The following UNK variants were observed in gnomAD, a reference collection of about 807,000 sequenced individuals.
The protein encoded by UNK is RING finger protein unkempt homolog.
UNK carries 32 observed loss-of-function variants against 97.6 expected under a neutral mutation model. The observed-to-expected ratio is 0.33, with a 90% confidence interval of 0.25 to 0.44. The LOEUF (loss-of-function observed/expected upper bound fraction) is 0.44, where lower values mean the gene tolerates loss of function less well. Ranked by LOEUF, UNK falls within the 20% of genes least tolerant of loss-of-function variation. The probability of loss-of-function intolerance (pLI) is 1.00; values close to 1 mark genes in which losing one functional copy is unlikely to be tolerated. For synonymous variants in UNK, 441 were observed against 461.2 expected, an observed-to-expected ratio of 0.96 and a Z score of 0.56; for missense variants, 771 against 1,098.4, an observed-to-expected ratio of 0.70 and a Z score of 4.21.
intron 4 of UNK, 143 bp downstream of exon 4, chr17:75,812,728 A>C: frequency 7.7e-7 from 1 of 1,298,218 alleles, no homozygotes. Context: ...ACCATTCAAA[A>C]GGCGCCTCTA....
At chr17:75,789,366 C>T (rs976624176) in intron 1 of UNK, among the ~76,000 whole-genome samples, 1 of 151,902 alleles carries the variant, frequency 6.6e-6, no homozygotes, top group Admixed American at 6.6e-5. Context: ...GACCGAGTCT[C>T]GCTCTGTTGC....
In UNK at chr17:75,817,493, G is replaced by T. The variant is rs1480334335; in HGVS notation, c.1272G>T (p.Val424=). Residue 424 remains valine (V), a synonymous_variant, in exon 9 of 16, where the codon GTG becomes GTT. Coordinates refer to ENST00000589666, the MANE Select transcript of UNK (RefSeq NM_001080419.3). The surrounding 1 kb of genome is among the most constrained non-coding windows in gnomAD (Gnocchi z 5.8). The part of the protein sequence containing the change: ...KAPGFEREDQ[V]GAEYLKNFKC... ...CCGGCTTCGAGAGGGAAGACCAGGT[G>T]GGAGCCGAGTACCTGAAAAATTTCA... 2 of 1,611,876 alleles carry T rather than the reference G, an allele frequency of 1.2e-6. No individual in the cohort carries two copies. Among genetic ancestry groups the T allele is most frequent in the Admixed American group, 3.3e-5 (2 of 59,886 alleles).
chr17:75,824,897 GC>G lies in UNK; in HGVS notation c.*483del, dbSNP rs1383982641. On this transcript the variant is annotated 3_prime_UTR_variant, in exon 16 of 16. Coordinates refer to ENST00000589666, the MANE Select transcript of UNK (RefSeq NM_001080419.3). The surrounding 1 kb of genome is among the most constrained non-coding windows in gnomAD (Gnocchi z 4.9). ...GGGAAGGGAGAAGCCCTCAGGGCAG[GC>G]CCTGCTCCCCCTACCTCCTTGCCAG... 6.6e-6 allele frequency: 1 copy of G among 152,242 alleles called. No individual in the cohort carries two copies. The highest frequency in any genetic ancestry group is 6.5e-5 in the Admixed American group (1 of 15,292). The allele number at this position is 152,242 out of a possible 1,614,324, so 9.4% of individuals were successfully genotyped here. A position where few individuals can be genotyped will look rare whatever the true frequency, so the allele number is the denominator to read the frequency against.
rs1227321368 is a variant in UNK, at chr17:75,822,616, C to T, written c.1977C>T (p.Ser659=). 2 of 1,612,612 alleles carry T rather than the reference C, an allele frequency of 1.2e-6. No homozygotes were observed. The highest frequency in any genetic ancestry group is 1.7e-6 in the Non-Finnish European group (2 of 1,179,564). The change falls in exon 14 of 16, where the codon AGC becomes AGT. Residue 659 remains serine, a synonymous_variant. Coordinates refer to ENST00000589666, the MANE Select transcript of UNK (RefSeq NM_001080419.3). ...GGCAAGAGCTGGATGAAGCCAACAG[C>T]ACCATCAAGCAGTGGGAGGAGTCCT... ...RLRQELDEAN[S]TIKQWEESWK...
At chr17:75,815,908 T>C (rs1159349799) in intron 7 of UNK, among the ~76,000 whole-genome samples, 1 of 140,650 alleles carries the variant, frequency 7.1e-6, no homozygotes, top group Non-Finnish European at 1.6e-5. Flanking sequence ...AAAAAAAAAT[T>C]AAAAAAGAAT....
At chr17:75,795,570 C>T (rs910546284) in intron 1 of UNK, among the ~76,000 whole-genome samples, 1 of 152,084 alleles carries the variant, frequency 6.6e-6, no homozygotes, top group African/African-American at 2.4e-5. Flanking sequence ...ATACTCCTGA[C>T]CTCGAGTGAT....
chr17:75,817,662 C>T lies in UNK; in HGVS notation c.1305+136C>T. On this transcript the variant is annotated intron_variant, in intron 9 of 15. Coordinates refer to ENST00000589666, the MANE Select transcript of UNK (RefSeq NM_001080419.3). This position sits in a 1 kb window ranked among gnomAD's most constrained non-coding sequence, Gnocchi z 5.8. ...TCCACTGTCCTCGGCCTCTTCAGGA[C>T]TGAACAGAGGGAGCAGTGTCAGCCC... The T allele has an allele frequency of 1.0e-6, 1 of 987,328 alleles. No individual in the cohort carries two copies. The highest frequency in any genetic ancestry group is 1.5e-6 in the Non-Finnish European group (1 of 682,850). The allele number at this position is 987,328 out of a possible 1,614,324, so 61.2% of individuals were successfully genotyped here.
rs1278906494 is a variant in UNK, at chr17:75,818,937, CAG to C, written c.1546+122_1546+123del. On this transcript the variant is annotated intron_variant, in intron 11 of 15. Transcript: ENST00000589666. This position sits in a 1 kb window ranked among gnomAD's most constrained non-coding sequence, Gnocchi z 5.1. ...CCTTAGACATCTGTCTTCGGAAAAT[CAG>C]GGGATGGGCACTCTGAGTCCTTTGA... 3 of 1,206,632 alleles carry C rather than the reference CAG, an allele frequency of 2.5e-6. No individual in the cohort carries two copies. In the African/African-American group the frequency reaches 4.7e-5, roughly 19 times the overall value. The allele number at this position is 1,206,632 out of a possible 1,614,324, so 74.7% of individuals were successfully genotyped here.
chr17:75,809,059 C>T (rs1274573991), intron 1 of UNK: 1 of 116,012 alleles, frequency 8.6e-6, no homozygotes, highest in Non-Finnish European at 1.7e-5. Context: ...TGAGGTGACA[C>T]GACTGGGGAC....
chr17:75,797,063 C>A (rs2061812577), intron 1 of UNK, among the ~76,000 whole-genome samples: 1 of 152,152 alleles, frequency 6.6e-6, no homozygotes, highest in Admixed American at 6.5e-5. Context: ...TACAAATAAT[C>A]TTCAAAAATG....
Position 75,824,330 on chromosome 17 carries a change from C to A in UNK, c.2346C>A (p.Cys782Ter), listed in dbSNP as rs568499757. The A allele has an allele frequency of 6.2e-7, 1 of 1,604,040 alleles. No homozygotes were observed. Among genetic ancestry groups the A allele is most frequent in the South Asian group, 1.1e-5 (1 of 90,016 alleles). Residue 782 changes from cysteine (C) to a stop codon, truncating the protein, a stop_gained, in exon 16 of 16, where the codon TGC becomes TGA. Transcript: ENST00000589666. LOFTEE classifies it high-confidence loss of function. The surrounding 1 kb of genome is among the most constrained non-coding windows in gnomAD (Gnocchi z 4.9). ...AACAGAAGCGGGCAGTGCTGCCGTG[C>A]CAACACGCTGCGCTGTGTGAGCTCT... Reference protein sequence around the residue: ...CQEQKRAVLPCQHAALCELCA... With the variant: ...CQEQKRAVLP
chr17:75,805,442 T>C (rs2061903803), intron 1 of UNK, among the ~76,000 whole-genome samples: 1 of 150,722 alleles, frequency 6.6e-6, no homozygotes. Context: ...TGGAATGTTA[T>C]CAGCATTTAG....
intron 3 of UNK, 40 bp from the exon 4 acceptor site, chr17:75,812,415 G>C (rs767221032): frequency 1.3e-6 from 2 of 1,595,130 alleles, no homozygotes; most frequent in African/African-American, 1.3e-5. Context: ...GCCCCCTCAT[G>C]CCCCCTCTCC....
chr17:75,788,599 G>A (rs1001990433), intron 1 of UNK, among the ~76,000 whole-genome samples: 31 of 151,976 alleles, frequency 2.0e-4, no homozygotes, highest in African/African-American at 7.0e-4. Context: ...TGATCTGCCC[G>A]CCTCGGCCTC....
intron 1 of UNK, among the ~76,000 whole-genome samples, chr17:75,790,065 C>T (rs868781424): frequency 1.3e-5 from 2 of 152,168 alleles, no homozygotes; most frequent in Admixed American, 6.5e-5. Context: ...ATCATTTGAA[C>T]CTGGGAGGCG....
chr17:75,815,065 AG>A lies in UNK; in HGVS notation c.877-101del, dbSNP rs1296440610. 6 of 1,004,348 alleles carry A rather than the reference AG, an allele frequency of 6.0e-6. No homozygotes were observed. The Admixed American group carries it at 6.2e-5, about 10-fold the overall frequency. The allele number at this position is 1,004,348 out of a possible 1,614,324, so 62.2% of individuals were successfully genotyped here. ...AGGGGAGGGGAGGGGCCGGGAACAC[AG>A]GGCAAGAGATGACTAAGCCAGCGCA... On this transcript the variant is annotated intron_variant, in intron 6 of 15. Coordinates refer to ENST00000589666, the MANE Select transcript of UNK (RefSeq NM_001080419.3).
rs761750285 is a variant in UNK, at chr17:75,792,597, A to G, written c.104+7613A>G. 18 of 589,918 alleles carry G rather than the reference A, an allele frequency of 3.1e-5. No individual in the cohort carries two copies. The Admixed American group carries it at 3.8e-4, about 12-fold the overall frequency. The allele number at this position is 589,918 out of a possible 1,614,324, so 36.5% of individuals were successfully genotyped here. ...CAATGTAGCTTCTTGTTTTCTTACC[A>G]TATAGATAACTCTATAGATTCACCC... On this transcript the variant is annotated intron_variant, in intron 1 of 15. Coordinates refer to ENST00000589666, the MANE Select transcript of UNK (RefSeq NM_001080419.3).
intron 14 of UNK, 47 bp from the exon 15 acceptor site, chr17:75,823,216 CAG>C (rs1491145803): frequency 1.1e-5 from 17 of 1,527,824 alleles, no homozygotes; most frequent in South Asian, 8.6e-5. Flanking sequence ...TCTCTGGGGA[CAG>C]GGGCAGGGCA....
Position 75,822,637 on chromosome 17 carries a change from G to C in UNK, c.1998G>C (p.Glu666Asp), listed in dbSNP as rs1456368757. ...ACAGCACCATCAAGCAGTGGGAGGAGTCCTGGAAGCAGGCCAAGCAGGTAC... is the reference window on the plus strand; with the variant it reads ...ACAGCACCATCAAGCAGTGGGAGGACTCCTGGAAGCAGGCCAAGCAGGTAC... Reference protein sequence around the residue: ...EANSTIKQWEESWKQAKQACD... With the variant: ...EANSTIKQWEDSWKQAKQACD... The change falls in exon 14 of 16, where the codon GAG becomes GAC. Residue 666 changes from glutamate to aspartate, a missense_variant. Coordinates refer to ENST00000589666, the MANE Select transcript of UNK (RefSeq NM_001080419.3). The C allele has an allele frequency of 6.2e-7, 1 of 1,610,162 alleles. No individual in the cohort carries two copies. Among genetic ancestry groups the C allele is most frequent in the East Asian group, 2.2e-5 (1 of 44,624 alleles).
Sources: allele counts gnomAD v4.1 joint callset (sites outside exome capture counted in the v4.1 genomes callset), GRCh38; gene constraint gnomAD v4.1.1; non-coding constraint Gnocchi (gnomAD v3.1); transcripts MANE v1.5; gene names NCBI Gene and HGNC (gene_info 2026-07-23, HGNC 2026-07-21).